Variants in CADM1 observed in about 807,000 individuals in gnomAD.
CADM1 encodes TSLC-1.
A neutral mutation model predicts 53.1 loss-of-function variants in CADM1; 15 were observed. That is an observed-to-expected ratio of 0.28 (90% CI 0.19 to 0.44). CADM1 has a LOEUF of 0.44. Ranked by LOEUF, CADM1 falls within the 20% of genes least tolerant of loss-of-function variation. CADM1 has a pLI of 1.00. For synonymous variants in CADM1, 281 were observed against 243.0 expected, an observed-to-expected ratio of 1.16 and a Z score of -1.45; for missense variants, 434 against 611.3, an observed-to-expected ratio of 0.71 and a Z score of 3.06.
intron 1 of CADM1, among the ~76,000 whole-genome samples, chr11:115,372,963 T>G (rs1946345342): frequency 6.6e-6 from 1 of 152,226 alleles, no homozygotes; most frequent in Admixed American, 6.5e-5. Flanking sequence ...GATTGTCAAT[T>G]AACATTTCTG....
chr11:115,363,558 A>G (rs1946083893), intron 1 of CADM1: 1 of 152,234 alleles, frequency 6.6e-6, no homozygotes, highest in Non-Finnish European at 1.5e-5. Context: ...TAGAAAGAAT[A>G]AGATGAATGC....
rs570339471 is a variant in CADM1, at chr11:115,233,168, A to G, written c.425-1678T>C. On this transcript the variant is annotated intron_variant, in intron 3 of 11. Coordinates refer to ENST00000331581, the MANE Select transcript of CADM1 (RefSeq NM_001301043.2). ...GGTGGTGGCGGGGGGTGTAATGAGC[A>G]GAGCCAAAGGATCCCTCTTCTTTGT... is the stretch of plus-strand genomic sequence containing the variant. Among the ~76,000 whole-genome samples the G allele has an allele frequency of 2.5e-3, 376 of 152,318 alleles. 3 individuals carry two copies. The highest frequency in any genetic ancestry group is 8.7e-3 in the African/African-American group (360 of 41,580).
rs372739579 is a variant in CADM1, at chr11:115,312,059, G to A, written c.125-71639C>T. On this transcript the variant is annotated intron_variant, in intron 1 of 11. Coordinates refer to ENST00000331581, the MANE Select transcript of CADM1 (RefSeq NM_001301043.2). ...ATGAACATGAATACAACACATTCCC[G>A]TCCTACAAGAAGCTCACAGTCTGGT... 1.9e-4 allele frequency among the ~76,000 whole-genome samples: 29 copies of A among 152,066 alleles called. No homozygotes were observed. The East Asian group carries it at 3.3e-3, about 17-fold the overall frequency.
Position 115,169,498 on chromosome 11 carries a change from G to C in CADM1, c.*6976C>G, listed in dbSNP as rs1938721142. ...AAGTAGGAGCAAAAAACCCAAGTAG[G>C]ACATTTCAGTTGACAGTAATGGCAT... On this transcript the variant is annotated 3_prime_UTR_variant, in exon 12 of 12. Transcript: ENST00000331581. 2.3e-6 allele frequency: 1 copy of C among 436,576 alleles called. No homozygotes were observed. The highest frequency in any genetic ancestry group is 4.6e-6 in the Non-Finnish European group (1 of 218,356). The allele number at this position is 436,576 out of a possible 1,614,324, so 27.0% of individuals were successfully genotyped here.
chr11:115,354,094 A>G (rs890555995), intron 1 of CADM1, among the ~76,000 whole-genome samples: 1 of 152,230 alleles, frequency 6.6e-6, no homozygotes, highest in Non-Finnish European at 1.5e-5. Context: ...GAAGCAGAAG[A>G]GACTAAACAA....
intron 1 of CADM1, among the ~76,000 whole-genome samples, chr11:115,400,789 A>G (rs1947134564): frequency 1.3e-5 from 2 of 149,340 alleles, no homozygotes; most frequent in South Asian, 4.3e-4. Context: ...TTAAACAACA[A>G]TGATGTATCA....
rs79181133 is a variant in CADM1, at chr11:115,238,943, C to T, written c.272-291G>A. Among the ~76,000 whole-genome samples the T allele has an allele frequency of 2.0e-3, 300 of 152,078 alleles. 1 individual carries two copies. Among genetic ancestry groups the T allele is most frequent in the African/African-American group, 5.6e-3 (233 of 41,476 alleles). On this transcript the variant is annotated intron_variant, in intron 2 of 11. Transcript: ENST00000331581. Reference sequence around the variant, plus strand: ...TTCTAACTTGGCACAATTCCAAATGCTGTCAGTTTTCAGCACTTACTCATA... The same window carrying T: ...TTCTAACTTGGCACAATTCCAAATGTTGTCAGTTTTCAGCACTTACTCATA...
rs796183318 is a variant in CADM1, at chr11:115,280,799, A to T, written c.125-40379T>A. ...AGGATGTCAAGAAGATACATTTTCTATCAAGATGTGGCTTTATCAACGAGT... is the reference window on the plus strand; with the variant it reads ...AGGATGTCAAGAAGATACATTTTCTTTCAAGATGTGGCTTTATCAACGAGT... On this transcript the variant is annotated intron_variant, in intron 1 of 11. Coordinates refer to ENST00000331581, the MANE Select transcript of CADM1 (RefSeq NM_001301043.2). 9.5e-4 allele frequency among the ~76,000 whole-genome samples: 144 copies of T among 152,342 alleles called. 2 individuals are homozygous for T. The highest frequency in any genetic ancestry group is 3.4e-3 in the African/African-American group (142 of 41,582).
rs530727872 is a variant in CADM1 at position 115,202,341 on chromosome 11, A to T, written c.1079-3903T>A. Reference sequence around the variant, plus strand: ...GAGTGTGACAGACTGGGGGTTTAAAACTAATCCATAAATTGGTCCATGTTC... The same window carrying T: ...GAGTGTGACAGACTGGGGGTTTAAATCTAATCCATAAATTGGTCCATGTTC... On this transcript the variant is annotated intron_variant, in intron 8 of 11. Coordinates refer to ENST00000331581, the MANE Select transcript of CADM1 (RefSeq NM_001301043.2). Among the ~76,000 whole-genome samples, 15 of 152,294 alleles carry T rather than the reference A, an allele frequency of 9.8e-5. No homozygotes were observed. In the South Asian group the frequency reaches 3.1e-3, roughly 32 times the overall value.
At chr11:115,463,081 T>C (rs968340611) in intron 1 of CADM1, among the ~76,000 whole-genome samples, 1 of 152,152 alleles carries the variant, frequency 6.6e-6, no homozygotes, top group African/African-American at 2.4e-5. Context: ...TCTCTACCCC[T>C]TTAAGAATCT....
At chr11:115,184,889 A>G (rs1490219152) in intron 10 of CADM1, among the ~76,000 whole-genome samples, 7 of 152,150 alleles carry the variant, frequency 4.6e-5, no homozygotes, top group African/African-American at 1.7e-4. Context: ...TTAGACTATC[A>G]CTGGCTACAT....
chr11:115,239,883 G>T (rs909058229), intron 2 of CADM1, among the ~76,000 whole-genome samples: 2 of 152,146 alleles, frequency 1.3e-5, no homozygotes, highest in Non-Finnish European at 2.9e-5. Flanking sequence ...GATGAGAGAA[G>T]ACTTGGTTTT....
chr11:115,178,970 G>C (rs138182845), intron 10 of CADM1, 195 bp from the exon 11 acceptor site: 4 of 640,008 alleles, frequency 6.2e-6, no homozygotes, highest in Non-Finnish European at 1.1e-5. Flanking sequence ...TTCTCCCCAC[G>C]AGGCAATTTC....
chr11:115,337,109 A>G (rs1945287156), intron 1 of CADM1, among the ~76,000 whole-genome samples: 1 of 152,184 alleles, frequency 6.6e-6, no homozygotes, highest in Non-Finnish European at 1.5e-5. Context: ...TTTAAAACCA[A>G]GTCTGTCTAA....
At chr11:115,180,071 A>C (rs1231365785) in intron 10 of CADM1, among the ~76,000 whole-genome samples, 1 of 152,166 alleles carries the variant, frequency 6.6e-6, no homozygotes, top group African/African-American at 2.4e-5. Flanking sequence ...AAGTTTATCG[A>C]TCAAGTGTAC....
intron 1 of CADM1, among the ~76,000 whole-genome samples, chr11:115,497,077 G>C (rs879940746): frequency 6.6e-6 from 1 of 152,184 alleles, no homozygotes; most frequent in Non-Finnish European, 1.5e-5. Flanking sequence ...CTGCAGTCCA[G>C]TGCTGGACAG....
At chr11:115,431,652 C>T (rs1948054642) in intron 1 of CADM1, among the ~76,000 whole-genome samples, 1 of 152,096 alleles carries the variant, frequency 6.6e-6, no homozygotes, top group African/African-American at 2.4e-5. Flanking sequence ...AGATCTCTGA[C>T]TCCAGCTAAT....
intron 1 of CADM1, among the ~76,000 whole-genome samples, chr11:115,430,324 A>G (rs963573364): frequency 6.6e-6 from 1 of 152,174 alleles, no homozygotes; most frequent in African/African-American, 2.4e-5. Context: ...GATCCTGACA[A>G]TCTTTATTTA....
intron 3 of CADM1, among the ~76,000 whole-genome samples, chr11:115,238,108 G>A (rs188616610): frequency 1.1e-3 from 164 of 152,262 alleles, no homozygotes; most frequent in African/African-American, 3.8e-3. Context: ...AAATCATTAC[G>A]TGGATTTCAT....
Sources: allele counts gnomAD v4.1 joint callset (sites outside exome capture counted in the v4.1 genomes callset), GRCh38; gene constraint gnomAD v4.1.1; transcripts MANE v1.5; gene names NCBI Gene and HGNC (gene_info 2026-07-23, HGNC 2026-07-21).